PTPN14: variants seen among roughly 807,000 people sequenced by gnomAD.
PTPN14 encodes protein tyrosine phosphatase non-receptor type 14.
Under a neutral mutation model 126.8 loss-of-function variants are expected in PTPN14, and 53 were observed. That is an observed-to-expected ratio of 0.42 (90% CI 0.34 to 0.53). The LOEUF is 0.53. PTPN14 is among the 20% of genes least tolerant of loss of function. The pLI, the probability that PTPN14 is intolerant of heterozygous loss-of-function variation, is 0.08. For synonymous variants in PTPN14, 630 were observed against 599.3 expected, an observed-to-expected ratio of 1.05 and a Z score of -0.75; for missense variants, 1,257 against 1,552.9, an observed-to-expected ratio of 0.81 and a Z score of 3.20.
rs773434057 is a variant in PTPN14, at chr1:214,355,085, T to C, written c.*2837A>G. 8.5e-5 allele frequency: 13 copies of C among 152,248 alleles called. No homozygotes were observed. The highest frequency in any genetic ancestry group is 1.8e-4 in the Non-Finnish European group (12 of 68,042). The allele number at this position is 152,248 out of a possible 1,614,324, so 9.4% of individuals were successfully genotyped here. A position where few individuals can be genotyped will look rare whatever the true frequency, so the allele number is the denominator to read the frequency against. On this transcript the variant is annotated 3_prime_UTR_variant, in exon 19 of 19. Coordinates refer to ENST00000366956, the MANE Select transcript of PTPN14 (RefSeq NM_005401.5). ...TGCTAAAGAACCAAAGGCATTTGTT[T>C]TTAAAAGTGAAATATGTGGAACAAC...
chr1:214,532,535 GA>G, intron 1 of PTPN14: 1 of 1,040,018 alleles, frequency 9.6e-7, no homozygotes, highest in Non-Finnish European at 1.5e-6. Context: ...ACCTGGAGAA[GA>G]AGGGACCCCA....
chr1:214,478,539 T>C (rs1406753687), intron 1 of PTPN14, among the ~76,000 whole-genome samples: 3 of 152,082 alleles, frequency 2.0e-5, no homozygotes, highest in East Asian at 3.8e-4. Context: ...ACCATTGTAT[T>C]TGGAAAAAAA....
intron 1 of PTPN14, among the ~76,000 whole-genome samples, chr1:214,483,688 C>G (rs553084244): frequency 6.6e-6 from 1 of 152,258 alleles, no homozygotes; most frequent in South Asian, 2.1e-4. Flanking sequence ...CTCATTATGA[C>G]ACTCACTCCC....
At chr1:214,545,716 T>A (rs1235220204) in intron 1 of PTPN14, among the ~76,000 whole-genome samples, 1 of 152,070 alleles carries the variant, frequency 6.6e-6, no homozygotes, top group Non-Finnish European at 1.5e-5. Flanking sequence ...GAATGACAGG[T>A]TGAAGAAAAC....
In PTPN14 at chr1:214,411,733, T is replaced by G; in HGVS notation, c.461A>C (p.Asn154Thr). Residue 154 changes from asparagine (N) to threonine (T), a missense_variant, in exon 5 of 19, where the codon AAT becomes ACT. Physicochemically the swap from Asn to Thr is moderately conservative, Grantham distance 65. Around this residue, in one of 3 missense-constraint regions of PTPN14, gnomAD observed 1,021 missense variants for 1,183.3 expected, o/e 0.86. Transcript: ENST00000366956. Reference sequence around the variant, plus strand: ...GAGGAAATCTTGAGAATCAAACTGATTATAGTCTCCAAAATCAGCTGAGAA... The same window carrying G: ...GAGGAAATCTTGAGAATCAAACTGAGTATAGTCTCCAAAATCAGCTGAGAA... Reference protein sequence around the residue: ...LAVQADFGDYNQFDSQDFLRE... With the variant: ...LAVQADFGDYTQFDSQDFLRE... 2 of 1,510,084 alleles carry G rather than the reference T, an allele frequency of 1.3e-6. No homozygotes were observed. Among genetic ancestry groups the G allele is most frequent in the Non-Finnish European group, 1.8e-6 (2 of 1,095,426 alleles). 93.5% of individuals were successfully genotyped at this position (1,510,084 alleles called of 1,614,324 possible).
chr1:214,408,302 T>C (rs1420307105), intron 5 of PTPN14, among the ~76,000 whole-genome samples: 1 of 152,200 alleles, frequency 6.6e-6, no homozygotes, highest in African/African-American at 2.4e-5. Flanking sequence ...TAGTGAATGA[T>C]CATGATTTCT....
rs983080083 is a variant in PTPN14, at chr1:214,354,672, A to G, written c.*3250T>C. 2.0e-5 allele frequency: 3 copies of G among 152,262 alleles called. No individual in the cohort carries two copies. Among genetic ancestry groups the G allele is most frequent in the African/African-American group, 7.2e-5 (3 of 41,472 alleles). The allele number at this position is 152,262 out of a possible 1,614,324, so 9.4% of individuals were successfully genotyped here. ...GAATACCTCGGGTCAATGTATCCAA[A>G]TGAGTGTGGATGAAAGAAACCAAAC... On this transcript the variant is annotated 3_prime_UTR_variant, in exon 19 of 19. Coordinates refer to ENST00000366956, the MANE Select transcript of PTPN14 (RefSeq NM_005401.5).
At chr1:214,469,895 A>T (rs1178682154) in intron 1 of PTPN14, among the ~76,000 whole-genome samples, 2 of 152,108 alleles carry the variant, frequency 1.3e-5, no homozygotes, top group Admixed American at 1.3e-4. Context: ...GCTCCCAAAA[A>T]TCGAGTCTAT....
intron 1 of PTPN14, among the ~76,000 whole-genome samples, chr1:214,515,080 A>C (rs867766633): frequency 6.6e-6 from 1 of 152,120 alleles, no homozygotes; most frequent in Admixed American, 6.5e-5. Context: ...AAATAAATCA[A>C]ATGGCAACAG....
In PTPN14 at chr1:214,384,261, CGCTTGCCCCCGGCTT is replaced by C; in HGVS notation, c.1579_1593del (p.Lys527_Ser531del). 6.2e-7 allele frequency: 1 copy of C among 1,614,106 alleles called. No homozygotes were observed. Among genetic ancestry groups the C allele is most frequent in the African/African-American group, 1.3e-5 (1 of 75,040 alleles). On this transcript the variant is annotated inframe_deletion, in exon 13 of 19. Transcript: ENST00000366956. The surrounding 1 kb of genome is among the most constrained non-coding windows in gnomAD (Gnocchi z 5.3). Reference sequence around the variant, plus strand: ...GGGGTGCTCACCGTGTGCGAGATGGCGCTTGCCCCCGGCTTGCTTGGTACCACATTATTCTTTGGG... The same window carrying C: ...GGGGTGCTCACCGTGTGCGAGATGGCGCTTGGTACCACATTATTCTTTGGG...
At position 214,490,239 on chromosome 1, in the gene PTPN14, G is replaced by A. The variant is rs530776632; in HGVS notation, c.-154-25282C>T. Among the ~76,000 whole-genome samples the A allele has an allele frequency of 2.0e-5, 3 of 152,228 alleles. No individual in the cohort carries two copies. The South Asian group carries it at 6.2e-4, about 32-fold the overall frequency. On this transcript the variant is annotated intron_variant, in intron 1 of 18. Coordinates refer to ENST00000366956, the MANE Select transcript of PTPN14 (RefSeq NM_005401.5). ...AGGTTTTTCCACAAAGTTACAAGGG[G>A]GAAATGTTTCACATATAACCTTGAA...
At chr1:214,501,567 C>T (rs1028707247) in intron 1 of PTPN14, among the ~76,000 whole-genome samples, 4 of 151,974 alleles carry the variant, frequency 2.6e-5, no homozygotes, top group African/African-American at 9.7e-5. Context: ...ATTCTATGAA[C>T]AATTAGGCTA....
chr1:214,469,660 ATTT>A (rs60660981), intron 1 of PTPN14, among the ~76,000 whole-genome samples: 1 of 148,932 alleles, frequency 6.7e-6, no homozygotes, highest in South Asian at 2.1e-4. Flanking sequence ...ATTTACTGTA[ATTT>A]TTTTTTTTAA....
At chr1:214,390,866 C>T (rs900482012) in intron 11 of PTPN14, 122 bp downstream of exon 11, 14 of 733,342 alleles carry the variant, frequency 1.9e-5, no homozygotes, top group South Asian at 3.8e-5. Flanking sequence ...GACAGAATGA[C>T]GCCTCTGTGT....
rs184320616 is a variant in PTPN14 at position 214,391,122 on chromosome 1, G to A, written c.930-77C>T. 1,344 of 1,124,118 alleles carry A rather than the reference G, an allele frequency of 1.2e-3. 5 individuals are homozygous for A. The highest frequency in any genetic ancestry group is 1.2e-3 in the Non-Finnish European group (998 of 810,900). 69.6% of individuals were successfully genotyped at this position (1,124,118 alleles called of 1,614,324 possible). On this transcript the variant is annotated intron_variant, in intron 10 of 18. Transcript: ENST00000366956. The stretch of plus-strand genomic sequence containing the variant: ...GACCAGATAGACAAGGGAAGGAGAG[G>A]AAGAGAATAAACAAGACTGGTAATC...
chr1:214,423,146 G>A lies in PTPN14; in HGVS notation c.345-8420C>T, dbSNP rs535953598. Among the ~76,000 whole-genome samples the A allele has an allele frequency of 2.4e-4, 37 of 152,008 alleles. No individual in the cohort carries two copies. In the East Asian group the frequency reaches 4.3e-3, roughly 18 times the overall value. On this transcript the variant is annotated intron_variant, in intron 3 of 18. Transcript: ENST00000366956. The stretch of plus-strand genomic sequence containing the variant: ...AAAAAAGGAAAGGGAAGAGGGAAAG[G>A]GGGGAGGGAGGGGAAGGAAAGTCAG...
chr1:214,528,026 A>C (rs1270123891), intron 1 of PTPN14, among the ~76,000 whole-genome samples: 1 of 152,242 alleles, frequency 6.6e-6, no homozygotes, highest in African/African-American at 2.4e-5. Context: ...TATTGCAATA[A>C]GACACTCTAA....
intron 3 of PTPN14, among the ~76,000 whole-genome samples, chr1:214,450,193 C>T (rs886670253): frequency 5.5e-5 from 8 of 144,840 alleles, no homozygotes; most frequent in African/African-American, 1.8e-4. Context: ...AAGCAGAGGC[C>T]GGGCGCAGTG....
intron 1 of PTPN14, chr1:214,532,211 G>A (rs754982237): frequency 5.3e-6 from 2 of 375,882 alleles, no homozygotes; most frequent in Non-Finnish European, 1.0e-5. Flanking sequence ...TTCACCACTT[G>A]CTCCAACTTC....
Sources: allele counts gnomAD v4.1 joint callset (sites outside exome capture counted in the v4.1 genomes callset), GRCh38; gene constraint gnomAD v4.1.1; regional missense constraint gnomAD v4.1.1; non-coding constraint Gnocchi (gnomAD v3.1); transcripts MANE v1.5; gene names NCBI Gene and HGNC (gene_info 2026-07-23, HGNC 2026-07-21).